Variants in KDM4C observed in about 807,000 individuals in gnomAD.
KDM4C encodes the protein lysine-specific demethylase 4C.
KDM4C carries 81 observed loss-of-function variants against 129.3 expected under a neutral mutation model. That is an observed-to-expected ratio of 0.63 (90% CI 0.52 to 0.75). The LOEUF is 0.75. KDM4C is among the 30% of genes least tolerant of loss of function. The pLI is 0.00. For missense variants in KDM4C, 1,457 were observed against 1,304.0 expected (o/e 1.12, Z -1.81); for synonymous variants, 573 against 456.1 (o/e 1.26, Z -3.26).
At chr9:6,886,246 C>T (rs1415064520) in intron 6 of KDM4C, among the ~76,000 whole-genome samples, 2 of 151,804 alleles carry the variant, frequency 1.3e-5, no homozygotes, top group African/African-American at 2.4e-5. Flanking sequence ...TAACCATAAG[C>T]AGAGGGCTGC....
In KDM4C at chr9:7,019,912, A is replaced by G. The variant is rs1324202666; in HGVS notation, c.2259+3983A>G. On this transcript the variant is annotated intron_variant, in intron 15 of 21. Transcript: ENST00000381309. Reference sequence around the variant, plus strand: ...AAAACAGAAAGTGGAGGGTGTACGCATGGCTGGAGTCAATAATCATAGATC... The same window carrying G: ...AAAACAGAAAGTGGAGGGTGTACGCGTGGCTGGAGTCAATAATCATAGATC... Among the ~76,000 whole-genome samples, 4 of 151,836 alleles carry G rather than the reference A, an allele frequency of 2.6e-5. No individual in the cohort carries two copies. The South Asian group carries it at 8.3e-4, about 32-fold the overall frequency.
intron 19 of KDM4C, among the ~76,000 whole-genome samples, chr9:7,158,267 C>T (rs535756702): frequency 7.9e-4 from 120 of 151,416 alleles, no homozygotes; most frequent in Non-Finnish European, 1.5e-3. Flanking sequence ...TTCTTGCTAG[C>T]GGTCTATCAA....
chr9:6,939,963 T>A (rs946198209), intron 8 of KDM4C, among the ~76,000 whole-genome samples: 13 of 130,972 alleles, frequency 9.9e-5, no homozygotes, highest in African/African-American at 1.9e-4. Context: ...ATAACCAACC[T>A]ACCTACCTAC....
In KDM4C at chr9:7,162,147, C is replaced by G. The variant is rs533566194; in HGVS notation, c.2782-3091C>G. Among the ~76,000 whole-genome samples the G allele has an allele frequency of 3.9e-5, 6 of 152,268 alleles. No homozygotes were observed. In the East Asian group the frequency reaches 1.2e-3, roughly 29 times the overall value. ...AGCTGTTATGGATGAGAATCGTGCC[C>G]CCTGGTTTTGGAGGTGGGGGAGGCA... On this transcript the variant is annotated intron_variant, in intron 19 of 21. Transcript: ENST00000381309.
chr9:6,941,150 C>T (rs1589223997), intron 8 of KDM4C, among the ~76,000 whole-genome samples: 1 of 151,972 alleles, frequency 6.6e-6, no homozygotes, highest in Non-Finnish European at 1.5e-5. Context: ...TGTGCCTCAG[C>T]CTCCCAAGCC....
chr9:6,725,077 C>A (rs1263108148), intron 1 of KDM4C, among the ~76,000 whole-genome samples: 1 of 152,090 alleles, frequency 6.6e-6, no homozygotes, highest in Non-Finnish European at 1.5e-5. Flanking sequence ...CAATCTCTTG[C>A]TTTCATCATC....
intron 15 of KDM4C, among the ~76,000 whole-genome samples, chr9:7,040,909 G>A (rs905358964): frequency 6.6e-6 from 1 of 151,428 alleles, no homozygotes; most frequent in Non-Finnish European, 1.5e-5. Context: ...TTTTTGATCT[G>A]TAGGTTGATA....
intron 17 of KDM4C, among the ~76,000 whole-genome samples, chr9:7,053,577 G>A (rs1830498873): frequency 6.6e-6 from 1 of 152,118 alleles, no homozygotes; most frequent in Admixed American, 6.5e-5. Flanking sequence ...CAACAATGAT[G>A]ACATTAGACT....
At chr9:6,949,014 G>A (rs1193823754) in intron 8 of KDM4C, among the ~76,000 whole-genome samples, 1 of 152,174 alleles carries the variant, frequency 6.6e-6, no homozygotes, top group Non-Finnish European at 1.5e-5. Context: ...TCCCAGACGG[G>A]GTGGCGGCCG....
At chr9:6,780,879 A>C (rs1400769933) in intron 1 of KDM4C, among the ~76,000 whole-genome samples, 1 of 151,594 alleles carries the variant, frequency 6.6e-6, no homozygotes, top group Non-Finnish European at 1.5e-5. Flanking sequence ...CAGATTCTTC[A>C]GGCATTGAGC....
intron 17 of KDM4C, among the ~76,000 whole-genome samples, chr9:7,060,947 A>G (rs1831575469): frequency 6.6e-6 from 1 of 152,160 alleles, no homozygotes; most frequent in South Asian, 2.1e-4. Context: ...CCTTTCCTCA[A>G]AGGAAACCAA....
intron 5 of KDM4C, among the ~76,000 whole-genome samples, chr9:6,855,493 A>G (rs1172214720): frequency 6.8e-6 from 1 of 147,756 alleles, no homozygotes; most frequent in Non-Finnish European, 1.5e-5. Flanking sequence ...AAAGGAACCC[A>G]ATTTAAGTAT....
chr9:6,907,371 T>G (rs1008885791), intron 8 of KDM4C, among the ~76,000 whole-genome samples: 1 of 152,194 alleles, frequency 6.6e-6, no homozygotes, highest in East Asian at 1.9e-4. Context: ...AGGTTGACAT[T>G]CATTTATTTA....
chr9:6,900,619 T>C (rs1817235203), intron 8 of KDM4C, among the ~76,000 whole-genome samples: 1 of 152,182 alleles, frequency 6.6e-6, no homozygotes, highest in Non-Finnish European at 1.5e-5. Context: ...TGGGCAACAA[T>C]GCAAGACCTG....
intron 8 of KDM4C, among the ~76,000 whole-genome samples, chr9:6,924,008 G>A (rs1822019019): frequency 6.6e-6 from 1 of 152,120 alleles, no homozygotes. Flanking sequence ...TAAGTTTTTT[G>A]AACAGTTCTC....
intron 15 of KDM4C, among the ~76,000 whole-genome samples, chr9:7,024,149 G>A (rs900429471): frequency 8.6e-5 from 13 of 152,010 alleles, no homozygotes; most frequent in Admixed American, 7.2e-4. Context: ...AGGTCGATTT[G>A]GTCTGTAGTG....
chr9:6,951,274 C>G (rs1368412472), intron 8 of KDM4C, among the ~76,000 whole-genome samples: 4 of 152,302 alleles, frequency 2.6e-5, no homozygotes, highest in African/African-American at 9.6e-5. Flanking sequence ...CTTATTGCTT[C>G]TATCTAGCTG....
intron 1 of KDM4C, among the ~76,000 whole-genome samples, chr9:6,747,763 AG>A (rs1459500290): frequency 3.3e-5 from 5 of 152,220 alleles, no homozygotes; most frequent in Non-Finnish European, 7.3e-5. Context: ...AACTTAGAGC[AG>A]GGCCTTTGCT....
At chr9:6,800,137 G>A (rs1828658458) in intron 2 of KDM4C, among the ~76,000 whole-genome samples, 2 of 152,302 alleles carry the variant, frequency 1.3e-5, no homozygotes, top group East Asian at 1.9e-4. Context: ...GAAGGCTGAG[G>A]TGGGTGGATC....
Sources: gnomAD v4.1 joint callset for allele counts (sites outside exome capture counted in the v4.1 genomes callset) on GRCh38, gnomAD v4.1.1 for gene constraint, MANE v1.5 for transcripts, NCBI Gene and HGNC (gene_info 2026-07-23, HGNC 2026-07-21) for gene names.